Variants in CLVS2 observed in about 807,000 individuals in gnomAD.
The protein encoded by CLVS2 is clavesin-2.
CLVS2 carries 19 observed loss-of-function variants against 29.0 expected under a neutral mutation model. That is an observed-to-expected ratio of 0.66 (90% CI 0.46 to 0.96). The LOEUF is 0.96. Among genes scored for constraint, CLVS2 ranks in the 40% least tolerant of loss-of-function variants. The pLI, the probability that CLVS2 is intolerant of heterozygous loss-of-function variation, is 0.00. For synonymous variants in CLVS2, 161 were observed against 151.3 expected (o/e 1.06, Z -0.47); for missense variants, 294 against 404.1 (o/e 0.73, Z 2.34).
intron 2 of CLVS2, among the ~76,000 whole-genome samples, chr6:123,004,397 C>T (rs958639197): frequency 6.6e-6 from 1 of 152,212 alleles, no homozygotes; most frequent in African/African-American, 2.4e-5. Flanking sequence ...AAGGCTCAGA[C>T]ATCTAATCTT....
chr6:123,004,449 G>A (rs1183718559), intron 2 of CLVS2, among the ~76,000 whole-genome samples: 1 of 152,128 alleles, frequency 6.6e-6, no homozygotes, highest in Non-Finnish European at 1.5e-5. Flanking sequence ...AATTTCAAGA[G>A]TTCATATTTA....
At chr6:123,037,179 C>T (rs1775166052) in intron 3 of CLVS2, among the ~76,000 whole-genome samples, 1 of 152,090 alleles carries the variant, frequency 6.6e-6, no homozygotes, top group South Asian at 2.1e-4. Context: ...ACATCACTCT[C>T]TCAAATATGA....
intron 2 of CLVS2, among the ~76,000 whole-genome samples, chr6:123,007,453 T>C (rs1260545713): frequency 6.6e-6 from 1 of 152,178 alleles, no homozygotes; most frequent in Non-Finnish European, 1.5e-5. Flanking sequence ...TTAAGTTACA[T>C]AAACATGCCC....
At position 123,028,477 on chromosome 6, in the gene CLVS2, T is replaced by C. The variant is rs1056217178; in HGVS notation, c.564+17318T>C. Among the ~76,000 whole-genome samples the C allele has an allele frequency of 3.9e-5, 6 of 152,258 alleles. No homozygotes were observed. The South Asian group carries it at 1.2e-3, about 32-fold the overall frequency. On this transcript the variant is annotated intron_variant, in intron 3 of 5. Coordinates refer to ENST00000275162, the MANE Select transcript of CLVS2 (RefSeq NM_001010852.4). ...AAGTCCGAGACCAGCCTGGGCAGCA[T>C]AGTGAGAACTTGTCTCTAAAAAACA...
intron 3 of CLVS2, among the ~76,000 whole-genome samples, chr6:123,024,537 A>G (rs571408706): frequency 6.6e-6 from 1 of 152,248 alleles, no homozygotes; most frequent in African/African-American, 2.4e-5. Context: ...CTAAAGGCAT[A>G]TGGTAGAATT....
Position 122,996,529 on chromosome 6 carries a change from G to C in CLVS2, c.-777G>C, listed in dbSNP as rs1774510162. 2 of 152,854 alleles carry C rather than the reference G, an allele frequency of 1.3e-5. No individual in the cohort carries two copies. The highest frequency in any genetic ancestry group is 4.8e-5 in the African/African-American group (2 of 41,456). The allele number at this position is 152,854 out of a possible 1,614,324, so 9.5% of individuals were successfully genotyped here. ...TAGCCCTGCGATCCTCACCCCTCCT[G>C]CTAGGAGAGGCTGCGGGCTGCCCGC... On this transcript the variant is annotated 5_prime_UTR_variant, in exon 1 of 6. Coordinates refer to ENST00000275162, the MANE Select transcript of CLVS2 (RefSeq NM_001010852.4).
intron 4 of CLVS2, among the ~76,000 whole-genome samples, chr6:123,055,545 G>A (rs1772682200): frequency 6.6e-6 from 1 of 152,048 alleles, no homozygotes; most frequent in African/African-American, 2.4e-5. Flanking sequence ...CCAAATTTGT[G>A]GTTGCAGCTC....
At chr6:123,004,954 A>C (rs556579123) in intron 2 of CLVS2, among the ~76,000 whole-genome samples, 166 of 49,986 alleles carry the variant, frequency 3.3e-3, no homozygotes, top group Middle Eastern at 0.011. Flanking sequence ...AAAAAACAAA[A>C]AAAAAAAAAA....
At chr6:123,000,895 G>A (rs1774579927) in intron 2 of CLVS2, among the ~76,000 whole-genome samples, 1 of 152,102 alleles carries the variant, frequency 6.6e-6, no homozygotes, top group Non-Finnish European at 1.5e-5. Context: ...TTCTAGAAAT[G>A]AGGCGGAAGA....
intron 3 of CLVS2, among the ~76,000 whole-genome samples, chr6:123,036,566 A>C (rs954987920): frequency 6.6e-6 from 1 of 152,174 alleles, no homozygotes; most frequent in African/African-American, 2.4e-5. Context: ...TGTGTTAAAT[A>C]AAACTAACAG....
intron 3 of CLVS2, among the ~76,000 whole-genome samples, chr6:123,018,483 TA>T (rs1229629875): frequency 9.2e-5 from 14 of 152,102 alleles, no homozygotes; most frequent in South Asian, 6.2e-4. Context: ...AACACTTAAT[TA>T]AAATCTTTCA....
At chr6:123,039,470 G>A (rs531783515) in intron 3 of CLVS2, among the ~76,000 whole-genome samples, 3 of 152,238 alleles carry the variant, frequency 2.0e-5, no homozygotes, top group East Asian at 1.9e-4. Flanking sequence ...TTTATAAGGC[G>A]GTAGTTTTTG....
Position 123,008,202 on chromosome 6 carries a change from C to T in CLVS2, c.390-2783C>T, listed in dbSNP as rs73772811. On this transcript the variant is annotated intron_variant, in intron 2 of 5. Coordinates refer to ENST00000275162, the MANE Select transcript of CLVS2 (RefSeq NM_001010852.4). ...TTTTTATGTTTCTTTTTCTAAACTTCTAAATTAATGTAATTTTTATAAAAA... is the reference window on the plus strand; with the variant it reads ...TTTTTATGTTTCTTTTTCTAAACTTTTAAATTAATGTAATTTTTATAAAAA... 4.0e-3 allele frequency among the ~76,000 whole-genome samples: 613 copies of T among 152,118 alleles called. 3 individuals carry two copies. The highest frequency in any genetic ancestry group is 0.014 in the African/African-American group (573 of 41,524).
chr6:123,034,982 A>ATTTTTTTT (rs1775131226), intron 3 of CLVS2, among the ~76,000 whole-genome samples: 1 of 152,198 alleles, frequency 6.6e-6, no homozygotes, highest in South Asian at 2.1e-4. Context: ...CACTACCAGC[A>ATTTTTTTT]TTGTGCCAAT....
chr6:123,065,435 T>A lies in CLVS2; in HGVS notation c.*1674T>A, dbSNP rs1371489125. The stretch of plus-strand genomic sequence containing the variant: ...TGTAAAAGCAAGCTGAATACACCAA[T>A]GTACAGTGTATCAATGGACTGCCTC... On this transcript the variant is annotated 3_prime_UTR_variant, in exon 6 of 6. Coordinates refer to ENST00000275162, the MANE Select transcript of CLVS2 (RefSeq NM_001010852.4). 6.6e-6 allele frequency: 1 copy of A among 151,836 alleles called. No individual in the cohort carries two copies. The highest frequency in any genetic ancestry group is 1.5e-5 in the Non-Finnish European group (1 of 67,824). The allele number at this position is 151,836 out of a possible 1,614,324, so 9.4% of individuals were successfully genotyped here. A position where few individuals can be genotyped will look rare whatever the true frequency, so the allele number is the denominator to read the frequency against.
At chr6:123,057,307 A>T (rs1166836690) in intron 5 of CLVS2, among the ~76,000 whole-genome samples, 2 of 148,318 alleles carry the variant, frequency 1.3e-5, no homozygotes, top group East Asian at 4.0e-4. Flanking sequence ...TCATGGAGTA[A>T]TGTGCCTGTT....
At chr6:123,012,542 C>A (rs888023459) in intron 3 of CLVS2, among the ~76,000 whole-genome samples, 1 of 151,486 alleles carries the variant, frequency 6.6e-6, no homozygotes, top group Non-Finnish European at 1.5e-5. Flanking sequence ...TATTTTCCAA[C>A]CTACTTTATG....
intron 4 of CLVS2, among the ~76,000 whole-genome samples, chr6:123,052,263 G>A (rs867758188): frequency 3.3e-5 from 5 of 152,276 alleles, no homozygotes; most frequent in Admixed American, 1.3e-4. Context: ...GGCCTTTTAA[G>A]AAGAGATGTG....
chr6:123,063,168 T>C (rs1295468770), intron 5 of CLVS2, among the ~76,000 whole-genome samples: 27 of 152,222 alleles, frequency 1.8e-4, no homozygotes, highest in Admixed American at 1.7e-3. Flanking sequence ...TTTGATCTTT[T>C]GGTTGATACA....
Sources: allele counts gnomAD v4.1 joint callset (sites outside exome capture counted in the v4.1 genomes callset), GRCh38; gene constraint gnomAD v4.1.1; transcripts MANE v1.5; gene names NCBI Gene and HGNC (gene_info 2026-07-23, HGNC 2026-07-21).